CTNNA2: variants seen among roughly 807,000 people sequenced by gnomAD.
CTNNA2 encodes catenin alpha 2.
A neutral mutation model predicts 101.0 loss-of-function variants in CTNNA2; 42 were observed. That is an observed-to-expected ratio of 0.42 (90% CI 0.32 to 0.54). CTNNA2 has a LOEUF of 0.54. Ranked by LOEUF, CTNNA2 falls within the 20% of genes least tolerant of loss-of-function variation. CTNNA2 has a pLI of 0.14. For missense variants in CTNNA2, 871 were observed against 1,223.1 expected, an observed-to-expected ratio of 0.71 and a Z score of 4.29; for synonymous variants, 450 against 456.4, an observed-to-expected ratio of 0.99 and a Z score of 0.18.
At position 79,687,386 on chromosome 2, in the gene CTNNA2, T is replaced by C. The variant is rs189819407; in HGVS notation, c.102+35728T>C. On this transcript the variant is annotated intron_variant, in intron 2 of 18. Transcript: ENST00000402739. Reference sequence around the variant, plus strand: ...ATTTGAGTTAAGAACAAAAATATTTTAGATACTATTATAGTACTGAGGAGC... The same window carrying C: ...ATTTGAGTTAAGAACAAAAATATTTCAGATACTATTATAGTACTGAGGAGC... Among the ~76,000 whole-genome samples the C allele has an allele frequency of 6.3e-3, 962 of 151,518 alleles. 9 individuals are homozygous for C. The highest frequency in any genetic ancestry group is 0.022 in the African/African-American group (929 of 41,382).
chr2:80,472,654 G>A (rs1345606985), intron 9 of CTNNA2, among the ~76,000 whole-genome samples: 2 of 152,134 alleles, frequency 1.3e-5, no homozygotes, highest in South Asian at 2.1e-4. Flanking sequence ...GGAAGGAACT[G>A]TGTTGAGGGT....
chr2:79,523,588 T>G (rs925477221), intron 1 of CTNNA2, among the ~76,000 whole-genome samples: 1 of 152,158 alleles, frequency 6.6e-6, no homozygotes. Flanking sequence ...ATTGTCTACA[T>G]GTACTAATGT....
At chr2:79,584,520 CTT>C (rs558450184) in intron 1 of CTNNA2, among the ~76,000 whole-genome samples, 3 of 134,120 alleles carry the variant, frequency 2.2e-5, no homozygotes, top group East Asian at 2.1e-4. Context: ...GGTAGATTTT[CTT>C]TTTTTTTTTT....
intron 9 of CTNNA2, among the ~76,000 whole-genome samples, chr2:80,442,390 G>T (rs916200848): frequency 6.6e-6 from 1 of 152,198 alleles, no homozygotes; most frequent in Admixed American, 6.5e-5. Context: ...CAGGAACGCA[G>T]GACCATAGTC....
In CTNNA2 at chr2:80,546,026, T is replaced by TGG; in HGVS notation, c.1504_1505insGG (p.Asp502GlyfsTer21). 6.2e-7 allele frequency: 1 copy of TGG among 1,614,074 alleles called. No individual in the cohort carries two copies. Among genetic ancestry groups the TGG allele is most frequent in the Non-Finnish European group, 8.5e-7 (1 of 1,179,998 alleles). ...TCCGAGTGTTGACAGAGGCCGTGGA[T>TGG]GACATCACCTCAGTGGATGACTTCC... On this transcript the variant is annotated frameshift_variant, in exon 11 of 19. Coordinates refer to ENST00000402739, the MANE Select transcript of CTNNA2 (RefSeq NM_001282597.3). LOFTEE classifies it high-confidence loss of function.
At chr2:79,878,271 A>T (rs971520545) in intron 6 of CTNNA2, among the ~76,000 whole-genome samples, 217 of 152,224 alleles carry the variant, frequency 1.4e-3, no homozygotes, top group Non-Finnish European at 1.8e-3. Context: ...GTGCTGCAGT[A>T]AACATACATG....
intron 3 of CTNNA2, among the ~76,000 whole-genome samples, chr2:79,761,326 A>C (rs1184115989): frequency 6.6e-6 from 1 of 152,162 alleles, no homozygotes; most frequent in Non-Finnish European, 1.5e-5. Context: ...AGTTTTAACA[A>C]CCCAAGGGTA....
At chr2:79,337,691 A>G (rs80325847) in intron 3 of CTNNA2, among the ~76,000 whole-genome samples, 17,478 of 152,208 alleles carry the variant, frequency 0.11, 1,185 homozygotes, top group East Asian at 0.3. Context: ...CATTCATTTA[A>G]CAAGTATTTA....
At chr2:80,440,776 C>T (rs1192179732) in intron 9 of CTNNA2, among the ~76,000 whole-genome samples, 1 of 152,164 alleles carries the variant, frequency 6.6e-6, no homozygotes, top group African/African-American at 2.4e-5. Flanking sequence ...TATCCTGTGA[C>T]ATAAAATTCC....
chr2:79,210,049 C>T (rs989830035), intron 2 of CTNNA2, among the ~76,000 whole-genome samples: 5 of 141,564 alleles, frequency 3.5e-5, no homozygotes, highest in South Asian at 4.4e-4. Context: ...AGAAGGCACA[C>T]CCTAGATGCC....
At chr2:79,201,104 G>A (rs1674029062) in intron 2 of CTNNA2, among the ~76,000 whole-genome samples, 1 of 147,282 alleles carries the variant, frequency 6.8e-6, no homozygotes, top group Non-Finnish European at 1.5e-5. Flanking sequence ...CCCTTTTTTT[G>A]TGGAAATTTA....
At chr2:79,294,244 G>A (rs75642787) in intron 2 of CTNNA2, among the ~76,000 whole-genome samples, 14,918 of 118,868 alleles carry the variant, frequency 0.13, 765 homozygotes, top group Non-Finnish European at 0.14. Context: ...AAGAAGAGGA[G>A]GAGGAGGAGG....
intron 7 of CTNNA2, among the ~76,000 whole-genome samples, chr2:80,337,802 A>G (rs1272295565): frequency 2.0e-5 from 3 of 152,052 alleles, no homozygotes; most frequent in Admixed American, 2.0e-4. Flanking sequence ...TTTATGTCAA[A>G]AGGTAGAGAC....
chr2:79,834,315 G>A (rs1330114892), intron 3 of CTNNA2, among the ~76,000 whole-genome samples: 1 of 151,930 alleles, frequency 6.6e-6, no homozygotes, highest in Non-Finnish European at 1.5e-5. Flanking sequence ...GTATTCTCTA[G>A]TAGTGGATAT....
In CTNNA2 at chr2:80,414,113, G is replaced by A. The variant is rs563941247; in HGVS notation, c.1138-5336G>A. The stretch of plus-strand genomic sequence containing the variant: ...GATTGGCATGCAAAAGGCTTCAACT[G>A]CAGGGAAGGTTTAGCAAAGAAAGAA... On this transcript the variant is annotated intron_variant, in intron 8 of 18. Transcript: ENST00000402739. Among the ~76,000 whole-genome samples the A allele has an allele frequency of 1.2e-4, 19 of 152,326 alleles. 1 individual carries two copies. The South Asian group carries it at 1.5e-3, about 12-fold the overall frequency.
chr2:80,625,494 ACTT>A lies in CTNNA2; in HGVS notation c.2574+6270_2574+6272del, dbSNP rs549216511. On this transcript the variant is annotated intron_variant, in intron 18 of 18. Coordinates refer to ENST00000402739, the MANE Select transcript of CTNNA2 (RefSeq NM_001282597.3). ...TGGTACACACTAGTGCTTCAGGAAG[ACTT>A]CTTTGATATTCTCCAACAGCATGGT... 5.4e-3 allele frequency among the ~76,000 whole-genome samples: 827 copies of A among 152,164 alleles called. 6 individuals carry two copies. Among genetic ancestry groups the A allele is most frequent in the African/African-American group, 0.018 (761 of 41,544 alleles).
At chr2:79,440,753 GC>G (rs1678769126) in intron 4 of CTNNA2, among the ~76,000 whole-genome samples, 1 of 152,092 alleles carries the variant, frequency 6.6e-6, no homozygotes. Context: ...CTAATTTATT[GC>G]CAGAAAAGGG....
intron 7 of CTNNA2, among the ~76,000 whole-genome samples, chr2:80,194,161 C>T (rs1706691064): frequency 6.6e-6 from 1 of 152,086 alleles, no homozygotes; most frequent in Non-Finnish European, 1.5e-5. Context: ...CATTTCTCAC[C>T]GCTTTGTAGC....
intron 3 of CTNNA2, among the ~76,000 whole-genome samples, chr2:79,782,744 G>A (rs1399916268): frequency 6.6e-6 from 1 of 152,176 alleles, no homozygotes; most frequent in African/African-American, 2.4e-5. Context: ...TGCCTCTAGG[G>A]TAGAATGCAG....
Sources: allele counts gnomAD v4.1 joint callset (sites outside exome capture counted in the v4.1 genomes callset), GRCh38; gene constraint gnomAD v4.1.1; transcripts MANE v1.5; gene names NCBI Gene and HGNC (gene_info 2026-07-23, HGNC 2026-07-21).